MMP28: variants seen among roughly 807,000 people sequenced by gnomAD.
MMP28 encodes the protein matrix metalloproteinase-28.
In MMP28, 55 loss-of-function variants were observed where a neutral mutation model predicts 60.5. The ratio of observed to expected loss-of-function variants is 0.91; its 90% CI spans 0.73 to 1.14. The LOEUF is 1.14. Ranked by LOEUF, MMP28 falls within the 50% of genes most tolerant of loss-of-function variation. The probability of loss-of-function intolerance (pLI) is 0.00; values close to 1 mark genes in which losing one functional copy is unlikely to be tolerated. For synonymous variants in MMP28, 318 were observed against 312.5 expected (o/e 1.02, Z -0.18); for missense variants, 686 against 738.3 (o/e 0.93, Z 0.82).
At chr17:35,771,699 ATATATATATAT>A (rs2086149774) in intron 4 of MMP28, among the ~76,000 whole-genome samples, 1 of 1,566 alleles carries the variant, frequency 6.4e-4, no homozygotes, top group African/African-American at 3.8e-3. Flanking sequence ...AGAAGTGAAT[ATATATATATAT>A]ATATATATAT....
chr17:35,778,824 T>C (rs1314157737), intron 3 of MMP28, 64 bp downstream of exon 3: 2 of 1,613,694 alleles, frequency 1.2e-6, no homozygotes, highest in Admixed American at 3.3e-5. Flanking sequence ...CTCAGCTGTT[T>C]TCCTAGCCAT....
rs971247442 is a variant in MMP28, at chr17:35,766,447, G to C, written c.*53C>G. The C allele has an allele frequency of 4.0e-5, 60 of 1,500,328 alleles. No individual in the cohort carries two copies. Among genetic ancestry groups the C allele is most frequent in the African/African-American group, 6.9e-5 (5 of 72,538 alleles). The allele number at this position is 1,500,328 out of a possible 1,614,324, so 92.9% of individuals were successfully genotyped here. On this transcript the variant is annotated 3_prime_UTR_variant, in exon 8 of 8. Coordinates refer to ENST00000605424, the MANE Select transcript of MMP28 (RefSeq NM_024302.5). The surrounding 1 kb of genome is among the most constrained non-coding windows in gnomAD (Gnocchi z 4.3). Reference sequence around the variant, plus strand: ...AGAGGGGTTCTGCCCCGGGGGTGGGGAACATGATTTTGCCCTGAGAGCACC... The same window carrying C: ...AGAGGGGTTCTGCCCCGGGGGTGGGCAACATGATTTTGCCCTGAGAGCACC...
chr17:35,784,013 A>G (rs867919151), intron 1 of MMP28, among the ~76,000 whole-genome samples: 3 of 152,100 alleles, frequency 2.0e-5, no homozygotes, highest in African/African-American at 7.2e-5. Context: ...GGCTGTGCGT[A>G]GTCATGCCTG....
intron 1 of MMP28, among the ~76,000 whole-genome samples, chr17:35,793,308 T>C (rs918980284): frequency 9.9e-5 from 15 of 152,224 alleles, no homozygotes; most frequent in African/African-American, 3.6e-4. Context: ...GCAGCAGAGA[T>C]ATGCCTCTGT....
intron 2 of MMP28, among the ~76,000 whole-genome samples, chr17:35,759,919 C>T (rs2085787172): frequency 6.6e-6 from 1 of 152,122 alleles, no homozygotes; most frequent in African/African-American, 2.4e-5. Context: ...CTGGCAGCAC[C>T]CATGAAACTA....
downstream of MMP28, chr17:35,765,769 T>C: frequency 1.2e-6 from 1 of 838,980 alleles, no homozygotes. Flanking sequence ...TGCCTAGCCC[T>C]GGCTTGGATG....
At chr17:35,784,957 G>C (rs1309357383) in intron 1 of MMP28, among the ~76,000 whole-genome samples, 1 of 152,188 alleles carries the variant, frequency 6.6e-6, no homozygotes, top group Non-Finnish European at 1.5e-5. Flanking sequence ...CTGGAAGGCT[G>C]TGCCCCTTAG....
chr17:35,762,765 A>G (rs1187408746), downstream of MMP28, among the ~76,000 whole-genome samples: 1 of 152,112 alleles, frequency 6.6e-6, no homozygotes, highest in Non-Finnish European at 1.5e-5. Context: ...TCCTTAAGGC[A>G]AGGCCCACTT....
intron 4 of MMP28, among the ~76,000 whole-genome samples, chr17:35,771,749 ATATAT>A (rs2086160949): frequency 1.0e-4 from 9 of 89,520 alleles, no homozygotes; most frequent in Middle Eastern, 5.6e-3. Flanking sequence ...ATATATATAT[ATATAT>A]AAAATTGTGT....
chr17:35,769,133 T>C (rs377446938), intron 5 of MMP28, among the ~76,000 whole-genome samples: 150 of 152,298 alleles, frequency 9.8e-4, no homozygotes, highest in African/African-American at 2.6e-3. Flanking sequence ...TGAATCCCAG[T>C]CTGCAATTTC....
chr17:35,762,076 C>T (rs925951705), downstream of MMP28, among the ~76,000 whole-genome samples: 3 of 152,056 alleles, frequency 2.0e-5, no homozygotes, highest in African/African-American at 7.2e-5. Flanking sequence ...CCACAACCTC[C>T]GACCCCTGGG....
chr17:35,760,866 A>G, downstream of MMP28: 1 of 1,584,910 alleles, frequency 6.3e-7, no homozygotes. Flanking sequence ...GACATGAGAC[A>G]AAGTTCTATG....
At chr17:35,763,967 G>A (rs1260250605), downstream of MMP28, 9 of 1,393,942 alleles carry the variant, frequency 6.5e-6, no homozygotes, top group African/African-American at 1.5e-5. Flanking sequence ...ACCCTTTCTC[G>A]GGGACAGCAG....
Position 35,766,462 on chromosome 17 carries a change from C to A in MMP28, c.*38G>T, listed in dbSNP as rs749876029. The A allele has an allele frequency of 5.9e-6, 9 of 1,530,934 alleles. No individual in the cohort carries two copies. In the South Asian group the frequency reaches 1.1e-4, roughly 19 times the overall value. 94.8% of individuals were successfully genotyped at this position (1,530,934 alleles called of 1,614,324 possible). On this transcript the variant is annotated 3_prime_UTR_variant, in exon 8 of 8. Coordinates refer to ENST00000605424, the MANE Select transcript of MMP28 (RefSeq NM_024302.5). The surrounding 1 kb of genome is among the most constrained non-coding windows in gnomAD (Gnocchi z 4.3). Reference sequence around the variant, plus strand: ...CGGGGGTGGGGAACATGATTTTGCCCTGAGAGCACCACCAGTTTCTGAGGT... The same window carrying A: ...CGGGGGTGGGGAACATGATTTTGCCATGAGAGCACCACCAGTTTCTGAGGT...
At position 35,779,322 on chromosome 17, in the gene MMP28, G is replaced by A. The variant is rs200955662; in HGVS notation, c.113C>T (p.Ala38Val). Residue 38 changes from alanine to valine, a missense_variant and splice_region_variant, in exon 2 of 8, where the codon GCA (alanine) becomes GTA (valine). By Grantham distance (64) the Ala-to-Val change is moderately conservative. Coordinates refer to ENST00000605424, the MANE Select transcript of MMP28 (RefSeq NM_024302.5). ...GGQELRKEAEAFLEKYGYLNE... is the reference protein window; with the variant it reads ...GGQELRKEAEVFLEKYGYLNE... ...GAGGTATCCGTACTTCTCTAGGAATGCCTGCGGGAGAGAGGAATATCTGCT... is the reference window on the plus strand; with the variant it reads ...GAGGTATCCGTACTTCTCTAGGAATACCTGCGGGAGAGAGGAATATCTGCT... The A allele has an allele frequency of 1.8e-3, 2,837 of 1,611,212 alleles. 3 individuals carry two copies. Among genetic ancestry groups the A allele is most frequent in the Non-Finnish European group, 2.0e-3 (2,387 of 1,178,646 alleles).
chr17:35,770,111 G>A lies in MMP28; in HGVS notation c.806C>T (p.Ala269Val), dbSNP rs750058315. 3 of 1,604,264 alleles carry A rather than the reference G, an allele frequency of 1.9e-6. No homozygotes were observed. The highest frequency in any genetic ancestry group is 1.3e-5 in the African/African-American group (1 of 74,768). Reference sequence around the variant, plus strand: ...CAGCACGTCGTCCCAGCTGAGCAGCGCGTCGCGGCCCAGCCTCTTGTAGTA... The same window carrying A: ...CAGCACGTCGTCCCAGCTGAGCAGCACGTCGCGGCCCAGCCTCTTGTAGTA... ...APYYKRLGRD[A>V]LLSWDDVLAV... Residue 269 changes from alanine to valine, a missense_variant, in exon 5 of 8, where the codon GCG becomes GTG. By Grantham distance (64) the Ala-to-Val change is moderately conservative. Coordinates refer to ENST00000605424, the MANE Select transcript of MMP28 (RefSeq NM_024302.5).
At chr17:35,763,668 G>C (rs1325283200), downstream of MMP28, among the ~76,000 whole-genome samples, 1 of 151,786 alleles carries the variant, frequency 6.6e-6, no homozygotes, top group African/African-American at 2.4e-5. Flanking sequence ...AGGCCGAAAA[G>C]GGCAAATCAC....
chr17:35,778,934 A>G lies in MMP28; in HGVS notation c.333T>C (p.Ala111=), dbSNP rs1555608327. The change falls in exon 3 of 8, where the codon GCT becomes GCC. Residue 111 remains alanine (A), a synonymous_variant. Transcript: ENST00000605424. ...TACGCCTCATTTTGGTCCGGTGTCT[A>G]GCAAACAAGTCACTGATCCTCTCAG... ...AWAERISDLF[A]RHRTKMRRKK... 3.1e-6 allele frequency: 5 copies of G among 1,614,060 alleles called. No homozygotes were observed. Among genetic ancestry groups the G allele is most frequent in the Non-Finnish European group, 4.2e-6 (5 of 1,179,896 alleles).
chr17:35,789,080 T>C (rs2086735659), intron 1 of MMP28, among the ~76,000 whole-genome samples: 1 of 152,164 alleles, frequency 6.6e-6, no homozygotes, highest in Admixed American at 6.6e-5. Context: ...ATCTCCTCCC[T>C]GGCAAAGCCC....
Sources: gnomAD v4.1 joint callset for allele counts (sites outside exome capture counted in the v4.1 genomes callset) on GRCh38, gnomAD v4.1.1 for gene constraint, Gnocchi (gnomAD v3.1) non-coding constraint, MANE v1.5 for transcripts, NCBI Gene and HGNC (gene_info 2026-07-23, HGNC 2026-07-21) for gene names.